The following SUSD5 variants were observed in gnomAD, a reference collection of about 807,000 sequenced individuals.
The protein encoded by SUSD5 is sushi domain-containing protein 5.
In SUSD5, 33 loss-of-function variants were observed where a neutral mutation model predicts 29.5. The observed-to-expected ratio is 1.12, with a 90% CI of 0.85 to 1.49. The LOEUF (loss-of-function observed/expected upper bound fraction) is 1.49, where lower values mean the gene tolerates loss of function less well. Among genes scored for constraint, SUSD5 ranks in the 40% most tolerant of loss-of-function variants. The probability of loss-of-function intolerance (pLI) is 0.00; values close to 1 mark genes in which losing one functional copy is unlikely to be tolerated. For missense variants in SUSD5, 776 were observed against 800.6 expected, an observed-to-expected ratio of 0.97 and a Z score of 0.37; for synonymous variants, 308 against 325.3, an observed-to-expected ratio of 0.95 and a Z score of 0.57.
At chr3:33,178,674 G>A (rs962066762) in intron 3 of SUSD5, among the ~76,000 whole-genome samples, 6 of 152,072 alleles carry the variant, frequency 3.9e-5, no homozygotes, top group Non-Finnish European at 7.4e-5. Flanking sequence ...TCTCAATCTC[G>A]TGACCTGCCA....
In SUSD5 at chr3:33,158,939, C is replaced by G. The variant is rs1187181860; in HGVS notation, c.599-4906G>C. On this transcript the variant is annotated intron_variant, in intron 4 of 4. Transcript: ENST00000309558. ...TTGCCTCATTGCAGCCCCAAGACAT[C>G]GAACCGTGAAGAACCCCAGATTCTA... 5.9e-5 allele frequency among the ~76,000 whole-genome samples: 9 copies of G among 152,342 alleles called. No individual in the cohort carries two copies. In the South Asian group the frequency reaches 1.9e-3, roughly 32 times the overall value.
chr3:33,187,762 C>T (rs1401344646), intron 3 of SUSD5, among the ~76,000 whole-genome samples: 1 of 151,550 alleles, frequency 6.6e-6, no homozygotes, highest in East Asian at 1.9e-4. Flanking sequence ...ATTAACTCGT[C>T]ATTTAACGTT....
intron 1 of SUSD5, among the ~76,000 whole-genome samples, chr3:33,215,400 T>C: frequency 6.6e-6 from 1 of 152,034 alleles, no homozygotes. Context: ...TAAAAAAACC[T>C]CAAAAGACAA....
Position 33,152,738 on chromosome 3 carries a change from G to C in SUSD5, c.*4C>G. 1 of 1,597,124 alleles carries C rather than the reference G, an allele frequency of 6.3e-7. No homozygotes were observed. Among genetic ancestry groups the C allele is most frequent in the Non-Finnish European group, 8.5e-7 (1 of 1,171,482 alleles). ...GGCTTTGGGAGAACCCACTCCAAAG[G>C]TGCCTAGACCTTCTCCATCTCGATC... On this transcript the variant is annotated 3_prime_UTR_variant, in exon 5 of 5. Transcript: ENST00000309558.
intron 1 of SUSD5, among the ~76,000 whole-genome samples, chr3:33,218,387 T>C (rs1156890814): frequency 6.6e-6 from 1 of 152,070 alleles, no homozygotes; most frequent in African/African-American, 2.4e-5. Context: ...ACCTTAGAGG[T>C]GATTTCATTC....
At chr3:33,215,060 T>G (rs1368370749) in intron 1 of SUSD5, among the ~76,000 whole-genome samples, 1 of 151,786 alleles carries the variant, frequency 6.6e-6, no homozygotes, top group Admixed American at 6.6e-5. Flanking sequence ...ATAAATATAA[T>G]AATTCCACAG....
At chr3:33,185,272 A>T (rs2031754355) in intron 3 of SUSD5, among the ~76,000 whole-genome samples, 1 of 152,226 alleles carries the variant, frequency 6.6e-6, no homozygotes, top group Admixed American at 6.5e-5. Flanking sequence ...AGAAGAACAG[A>T]ATATTCTGGG....
chr3:33,184,957 T>A (rs1341484303), intron 3 of SUSD5, among the ~76,000 whole-genome samples: 5 of 152,246 alleles, frequency 3.3e-5, no homozygotes, highest in Non-Finnish European at 7.3e-5. Context: ...TCTTTTAGAA[T>A]GCCTCGTAAT....
intron 3 of SUSD5, among the ~76,000 whole-genome samples, chr3:33,176,958 C>G (rs189670688): frequency 1.6e-4 from 24 of 152,344 alleles, no homozygotes; most frequent in Admixed American, 1.4e-3. Context: ...TATTTGTCAG[C>G]TCTTTCACCA....
intron 4 of SUSD5, among the ~76,000 whole-genome samples, chr3:33,173,302 G>GA (rs1575532298): frequency 6.6e-6 from 1 of 152,230 alleles, no homozygotes; most frequent in South Asian, 2.1e-4. Flanking sequence ...ATACTTTAGA[G>GA]AACACTTTGG....
intron 3 of SUSD5, among the ~76,000 whole-genome samples, chr3:33,188,317 T>C (rs73826290): frequency 0.017 from 2,600 of 152,298 alleles, 62 homozygotes; most frequent in African/African-American, 0.059. Context: ...AACAAATGCC[T>C]GATCTTTCCT....
At position 33,153,096 on chromosome 3, in the gene SUSD5, T is replaced by C. The variant is rs988417737; in HGVS notation, c.1536A>G (p.Ser512=). 2 of 1,613,850 alleles carry C rather than the reference T, an allele frequency of 1.2e-6. No individual in the cohort carries two copies. Among genetic ancestry groups the C allele is most frequent in the Non-Finnish European group, 1.7e-6 (2 of 1,179,834 alleles). Residue 512 remains serine, a synonymous_variant, in exon 5 of 5, where the codon TCA becomes TCG. Coordinates refer to ENST00000309558, the MANE Select transcript of SUSD5 (RefSeq NM_015551.2). The part of the protein sequence containing the change: ...TVKQTPNHIP[S]TIMATTQPPV... ...GAGGCTGGGTGGTTGCCATGATCGTTGAGGGGATGTGGTTAGGTGTCTGCT... is the reference window on the plus strand; with the variant it reads ...GAGGCTGGGTGGTTGCCATGATCGTCGAGGGGATGTGGTTAGGTGTCTGCT...
chr3:33,194,149 A>G (rs887204451), intron 3 of SUSD5, among the ~76,000 whole-genome samples: 2 of 152,218 alleles, frequency 1.3e-5, no homozygotes, highest in Non-Finnish European at 2.9e-5. Context: ...CCAGGAACTG[A>G]CAGAGCAAGA....
chr3:33,156,371 C>G (rs1468934696), intron 4 of SUSD5, among the ~76,000 whole-genome samples: 1 of 152,114 alleles, frequency 6.6e-6, no homozygotes, highest in Non-Finnish European at 1.5e-5. Flanking sequence ...CTGATTTGCT[C>G]TCTGTAAAAC....
chr3:33,169,175 T>C (rs2031368578), intron 4 of SUSD5, among the ~76,000 whole-genome samples: 1 of 152,208 alleles, frequency 6.6e-6, no homozygotes, highest in Non-Finnish European at 1.5e-5. Flanking sequence ...ATTTTAGTTA[T>C]AATGGTGGTT....
At chr3:33,163,174 C>T (rs553767844) in intron 4 of SUSD5, among the ~76,000 whole-genome samples, 1 of 152,138 alleles carries the variant, frequency 6.6e-6, no homozygotes, top group South Asian at 2.1e-4. Context: ...GGAAATACTT[C>T]CCAATTTATT....
At chr3:33,191,695 A>G (rs1020247506) in intron 3 of SUSD5, among the ~76,000 whole-genome samples, 1 of 152,108 alleles carries the variant, frequency 6.6e-6, no homozygotes, top group African/African-American at 2.4e-5. Context: ...CTGTAATCCC[A>G]GCACTTTGGG....
intron 3 of SUSD5, among the ~76,000 whole-genome samples, chr3:33,196,401 T>C (rs1422537507): frequency 6.6e-6 from 1 of 152,198 alleles, no homozygotes; most frequent in Non-Finnish European, 1.5e-5. Flanking sequence ...TGGGCTATGG[T>C]CCATGAATGC....
At chr3:33,179,806 T>A (rs1287420324) in intron 3 of SUSD5, among the ~76,000 whole-genome samples, 1 of 152,234 alleles carries the variant, frequency 6.6e-6, no homozygotes, top group African/African-American at 2.4e-5. Flanking sequence ...CTAATTTTTA[T>A]TACAGTCATG....
Sources: allele counts gnomAD v4.1 joint callset (sites outside exome capture counted in the v4.1 genomes callset), GRCh38; gene constraint gnomAD v4.1.1; transcripts MANE v1.5; gene names NCBI Gene and HGNC (gene_info 2026-07-23, HGNC 2026-07-21).